Variants in SUPT3H observed in about 807,000 individuals in gnomAD.
SUPT3H encodes SPT3 homolog, SAGA and STAGA complex component.
In SUPT3H, 44 loss-of-function variants were observed where a neutral mutation model predicts 44.3. That is an observed-to-expected ratio of 0.99 (90% CI 0.78 to 1.28). SUPT3H has a LOEUF of 1.28. Ranked by LOEUF, SUPT3H falls within the 50% of genes most tolerant of loss-of-function variation. SUPT3H has a pLI of 0.00. For missense variants in SUPT3H, 380 were observed against 387.1 expected (o/e 0.98, Z 0.15); for synonymous variants, 124 against 125.6 (o/e 0.99, Z 0.09).
chr6:45,042,278 C>T (rs1788659034), intron 3 of SUPT3H, among the ~76,000 whole-genome samples: 1 of 152,070 alleles, frequency 6.6e-6, no homozygotes, highest in Non-Finnish European at 1.5e-5. Context: ...AAAAAATTAG[C>T]TGGGCATTTT....
intron 10 of SUPT3H, among the ~76,000 whole-genome samples, chr6:44,869,639 G>A (rs1776048245): frequency 6.6e-6 from 1 of 152,152 alleles, no homozygotes; most frequent in East Asian, 1.9e-4. Flanking sequence ...GTACACCCAT[G>A]AATCAGAAAG....
intron 2 of SUPT3H, among the ~76,000 whole-genome samples, chr6:45,234,432 G>A (rs911991289): frequency 4.6e-5 from 7 of 151,030 alleles, no homozygotes; most frequent in African/African-American, 1.7e-4. Flanking sequence ...TCAGGAGGCT[G>A]AGGCAGCAAA....
intron 2 of SUPT3H, among the ~76,000 whole-genome samples, chr6:45,188,414 T>C (rs1171936004): frequency 6.6e-6 from 1 of 152,210 alleles, no homozygotes; most frequent in Non-Finnish European, 1.5e-5. Context: ...CCACAATGCA[T>C]GATAAGTGCT....
chr6:45,237,051 A>G (rs1052469110), intron 2 of SUPT3H, among the ~76,000 whole-genome samples: 8 of 152,212 alleles, frequency 5.3e-5, no homozygotes, highest in Admixed American at 5.2e-4. Context: ...GAGAGCGTAT[A>G]GCACAACTCC....
intron 11 of SUPT3H, among the ~76,000 whole-genome samples, chr6:44,818,247 C>T (rs968505188): frequency 4.0e-5 from 6 of 149,866 alleles, no homozygotes; most frequent in Non-Finnish European, 5.9e-5. Flanking sequence ...CTGACATCCA[C>T]ATCCATATGC....
At chr6:45,144,013 AACAG>A (rs1805643767) in intron 2 of SUPT3H, among the ~76,000 whole-genome samples, 2 of 152,248 alleles carry the variant, frequency 1.3e-5, no homozygotes, top group South Asian at 2.1e-4. Flanking sequence ...AGAAACTCTG[AACAG>A]ACAAATAACA....
In SUPT3H at chr6:45,300,148, C is replaced by G. The variant is rs928660007; in HGVS notation, c.101+65053G>C. Among the ~76,000 whole-genome samples, 59 of 152,192 alleles carry G rather than the reference C, an allele frequency of 3.9e-4. 1 individual carries two copies. Among genetic ancestry groups the G allele is most frequent in the Admixed American group, 3.0e-3 (46 of 15,270 alleles). On this transcript the variant is annotated intron_variant, in intron 2 of 10. Coordinates refer to ENST00000371459, the MANE Select transcript of SUPT3H (RefSeq NM_003599.4). ...ACCAAAAGCTTAATACTGTATACTT[C>G]TATTAGACTGCCCAATAGTTAATCA...
At chr6:44,931,916 TAAAAC>T (rs1271186652) in intron 10 of SUPT3H, among the ~76,000 whole-genome samples, 1 of 152,190 alleles carries the variant, frequency 6.6e-6, no homozygotes, top group African/African-American at 2.4e-5. Flanking sequence ...ATTAGCTTGT[TAAAAC>T]AGAGTATCAA....
intron 2 of SUPT3H, among the ~76,000 whole-genome samples, chr6:45,272,423 T>C (rs1374296334): frequency 6.6e-6 from 1 of 152,166 alleles, no homozygotes; most frequent in East Asian, 1.9e-4. Context: ...CCCGTTTAAC[T>C]TGGCTCTCAT....
chr6:44,827,128 T>G lies in SUPT3H; in HGVS notation c.*2688A>C, dbSNP rs1767843676. On this transcript the variant is annotated 3_prime_UTR_variant, in exon 11 of 11. Coordinates refer to ENST00000371459, the MANE Select transcript of SUPT3H (RefSeq NM_003599.4). ...ATTTATTGGCTTATTTATTTTCAAA[T>G]TCAGTCTCTAAAATACAAGGGACAA... 6.6e-6 allele frequency among the ~76,000 whole-genome samples: 1 copy of G among 152,136 alleles called. No homozygotes were observed. Among genetic ancestry groups the G allele is most frequent in the Non-Finnish European group, 1.5e-5 (1 of 67,972 alleles).
At chr6:44,968,744 T>C (rs1335771194) in intron 6 of SUPT3H, among the ~76,000 whole-genome samples, 1 of 152,148 alleles carries the variant, frequency 6.6e-6, no homozygotes, top group Non-Finnish European at 1.5e-5. Flanking sequence ...TAAGATTCAC[T>C]GTAGTAGGCT....
chr6:45,000,220 T>C (rs1024451696), intron 6 of SUPT3H, among the ~76,000 whole-genome samples: 2 of 152,058 alleles, frequency 1.3e-5, no homozygotes, highest in African/African-American at 4.8e-5. Context: ...AACTCAACTT[T>C]TTAAACTTTT....
At chr6:44,917,687 T>A (rs1768027686) in intron 10 of SUPT3H, among the ~76,000 whole-genome samples, 1 of 152,194 alleles carries the variant, frequency 6.6e-6, no homozygotes, top group Non-Finnish European at 1.5e-5. Context: ...CCAGGCTAGG[T>A]GGGACCACAG....
chr6:45,040,278 G>C (rs540732362), intron 3 of SUPT3H, among the ~76,000 whole-genome samples: 1 of 152,294 alleles, frequency 6.6e-6, no homozygotes, highest in East Asian at 1.9e-4. Flanking sequence ...GTAGTTTGCT[G>C]ACCCCTGGTC....
chr6:45,188,855 C>T (rs1031462867), intron 2 of SUPT3H, among the ~76,000 whole-genome samples: 14 of 152,226 alleles, frequency 9.2e-5, no homozygotes, highest in South Asian at 6.2e-4. Context: ...TTTGAGTTCA[C>T]GTCATTGCAG....
intron 2 of SUPT3H, among the ~76,000 whole-genome samples, chr6:45,171,967 C>T (rs372451347): frequency 6.6e-5 from 10 of 151,872 alleles, no homozygotes; most frequent in South Asian, 4.2e-4. Context: ...CAGGCTGCCT[C>T]GGCCTCCCAA....
At chr6:44,901,567 A>C (rs1224084229) in intron 10 of SUPT3H, among the ~76,000 whole-genome samples, 1 of 151,728 alleles carries the variant, frequency 6.6e-6, no homozygotes, top group African/African-American at 2.4e-5. Flanking sequence ...TGAAAGTGAC[A>C]GGGAGAATGG....
chr6:45,167,757 T>C (rs1810127924), intron 2 of SUPT3H, among the ~76,000 whole-genome samples: 1 of 151,972 alleles, frequency 6.6e-6, no homozygotes, highest in African/African-American at 2.4e-5. Flanking sequence ...CACAGCAATA[T>C]CTTCACTCAA....
At chr6:44,928,882 C>CAAAAAAA (rs35656937) in intron 10 of SUPT3H, among the ~76,000 whole-genome samples, 3 of 20,634 alleles carry the variant, frequency 1.5e-4, no homozygotes, top group African/African-American at 6.3e-4. Flanking sequence ...GACTCCGTCT[C>CAAAAAAA]AAAAAAAAAA....
Sources: gnomAD v4.1 joint callset for allele counts (sites outside exome capture counted in the v4.1 genomes callset) on GRCh38, gnomAD v4.1.1 for gene constraint, MANE v1.5 for transcripts, NCBI Gene and HGNC (gene_info 2026-07-23, HGNC 2026-07-21) for gene names.